The following GPR107 variants were observed in gnomAD, a reference collection of about 807,000 sequenced individuals.
GPR107 encodes G protein-coupled receptor 107.
A neutral mutation model predicts 75.5 loss-of-function variants in GPR107; 31 were observed. The observed-to-expected ratio is 0.41, with a 90% CI of 0.31 to 0.55. The LOEUF (loss-of-function observed/expected upper bound fraction) is 0.55, where lower values mean the gene tolerates loss of function less well. Among genes scored for constraint, GPR107 ranks in the 20% least tolerant of loss-of-function variants. The pLI is 0.26. For missense variants in GPR107, 572 were observed against 665.7 expected (o/e 0.86, Z 1.55); for synonymous variants, 267 against 251.3 (o/e 1.06, Z -0.59).
At chr9:130,092,511 A>G in intron 9 of GPR107, 130 bp downstream of exon 9, 1 of 755,432 alleles carries the variant, frequency 1.3e-6, no homozygotes, top group Non-Finnish European at 2.3e-6. Context: ...CTTCCCGGAA[A>G]CAGTATGAAG....
intron 10 of GPR107, 78 bp downstream of exon 10, chr9:130,099,610 AAG>A (rs980610933): frequency 7.5e-6 from 6 of 803,944 alleles, no homozygotes; most frequent in Middle Eastern, 2.3e-4. Context: ...AATTTGAAGA[AAG>A]GGGATAGATT....
chr9:130,125,715 T>G (rs1431485581), intron 15 of GPR107, among the ~76,000 whole-genome samples: 1 of 151,036 alleles, frequency 6.6e-6, no homozygotes. Flanking sequence ...CACACTGTCA[T>G]GTTCTTCTGC....
rs1441539231 is a variant in GPR107 at position 130,092,381 on chromosome 9, G to A, written c.863G>A (p.Arg288Gln). 11 of 1,610,722 alleles carry A rather than the reference G, an allele frequency of 6.8e-6. No individual in the cohort carries two copies. Among genetic ancestry groups the A allele is most frequent in the South Asian group, 1.1e-5 (1 of 91,006 alleles). Residue 288 changes from arginine to glutamine, a missense_variant and splice_region_variant, in exon 9 of 18, where the codon CGG becomes CAG. Arg to Gln is a conservative substitution (Grantham distance 43). Coordinates refer to ENST00000347136, the MANE Select transcript of GPR107 (RefSeq NM_020960.5). ...TGGATTCATATCCTTCGAAAACGACGGTAAACTATTTCTCCCTTCAACTTA... is the reference window on the plus strand; with the variant it reads ...TGGATTCATATCCTTCGAAAACGACAGTAAACTATTTCTCCCTTCAACTTA... ...TIWIHILRKR[R>Q]NDVFKIHWLM... is the part of the protein sequence containing the mutation.
intron 14 of GPR107, among the ~76,000 whole-genome samples, chr9:130,123,030 T>C (rs1473520378): frequency 6.6e-6 from 1 of 151,908 alleles, no homozygotes; most frequent in Non-Finnish European, 1.5e-5. Flanking sequence ...ACCAGAGAGA[T>C]TTAATTTTTA....
intron 1 of GPR107, among the ~76,000 whole-genome samples, chr9:130,057,257 T>C (rs1829815058): frequency 2.6e-5 from 4 of 151,930 alleles, no homozygotes; most frequent in African/African-American, 4.8e-5. Flanking sequence ...TTAGGGAAGC[T>C]CGTTTGAGGT....
intron 8 of GPR107, among the ~76,000 whole-genome samples, chr9:130,091,715 A>G (rs1457805373): frequency 2.8e-5 from 4 of 141,190 alleles, no homozygotes; most frequent in African/African-American, 8.0e-5. Context: ...TTTTTTTTCC[A>G]GACGGAGTCT....
At chr9:130,091,615 A>G (rs978715217) in intron 8 of GPR107, among the ~76,000 whole-genome samples, 4 of 143,496 alleles carry the variant, frequency 2.8e-5, no homozygotes, top group South Asian at 4.3e-4. Context: ...CGCAACCTCC[A>G]TCTCCTGGGT....
intron 1 of GPR107, among the ~76,000 whole-genome samples, chr9:130,064,602 A>G (rs1830025524): frequency 6.6e-6 from 1 of 152,220 alleles, no homozygotes; most frequent in Non-Finnish European, 1.5e-5. Context: ...TAAATGAGTA[A>G]GAGGATGGAT....
At chr9:130,130,731 G>A (rs1554898904) in intron 17 of GPR107, among the ~76,000 whole-genome samples, 1 of 152,040 alleles carries the variant, frequency 6.6e-6, no homozygotes, top group African/African-American at 2.4e-5. Context: ...TTAGCTGGGC[G>A]TGGTGGCAGG....
At chr9:130,090,852 A>T in intron 7 of GPR107, 24 bp from the exon 8 acceptor site, 1 of 862,454 alleles carries the variant, frequency 1.2e-6, no homozygotes, top group Non-Finnish European at 1.9e-6. Context: ...GGGTACCTTT[A>T]AATGTTTTCT....
At chr9:130,098,877 GCA>G (rs1045024567) in intron 9 of GPR107, among the ~76,000 whole-genome samples, 1 of 134,746 alleles carries the variant, frequency 7.4e-6, no homozygotes, top group African/African-American at 2.6e-5. Flanking sequence ...ACATCTTGGC[GCA>G]CGCCTGTAAT....
intron 14 of GPR107, among the ~76,000 whole-genome samples, chr9:130,107,952 A>G (rs1014660652): frequency 2.0e-5 from 3 of 152,202 alleles, no homozygotes; most frequent in Admixed American, 1.3e-4. Flanking sequence ...TTCAAAATAG[A>G]TGTGTCAGTA....
At chr9:130,126,779 TTTTC>T (rs1402492629) in intron 15 of GPR107, among the ~76,000 whole-genome samples, 2 of 152,300 alleles carry the variant, frequency 1.3e-5, no homozygotes, top group East Asian at 3.9e-4. Context: ...TTGATTTTTT[TTTTC>T]TTTCTTTGTT....
chr9:130,079,429 A>C (rs965840562), intron 4 of GPR107, among the ~76,000 whole-genome samples: 1 of 152,202 alleles, frequency 6.6e-6, no homozygotes, highest in South Asian at 2.1e-4. Context: ...TCGTCCAACT[A>C]CTTCCTAGCT....
intron 8 of GPR107, among the ~76,000 whole-genome samples, chr9:130,092,003 T>G (rs1257057314): frequency 6.6e-6 from 1 of 151,990 alleles, no homozygotes; most frequent in African/African-American, 2.4e-5. Context: ...CCTAATTTTT[T>G]TTGTGTTTTT....
At chr9:130,090,412 A>C (rs1400004854) in intron 7 of GPR107, among the ~76,000 whole-genome samples, 2 of 152,336 alleles carry the variant, frequency 1.3e-5, no homozygotes, top group African/African-American at 4.8e-5. Flanking sequence ...AGAGTATTTT[A>C]TACCTATAAA....
chr9:130,104,342 T>G lies in GPR107; in HGVS notation c.1132-78T>G, dbSNP rs1831107836. 44 of 1,364,628 alleles carry G rather than the reference T, an allele frequency of 3.2e-5. 1 individual carries two copies. In the South Asian group the frequency reaches 4.9e-4, roughly 15 times the overall value. The allele number at this position is 1,364,628 out of a possible 1,614,324, so 84.5% of individuals were successfully genotyped here. A position where few individuals can be genotyped will look rare whatever the true frequency, so the allele number is the denominator to read the frequency against. ...GATCGTGGGTCTGGAGGCCAAGGTG[T>G]ACACCCCACATTGGGGCTGCTAGCA... On this transcript the variant is annotated intron_variant, in intron 12 of 17. Transcript: ENST00000347136.
chr9:130,063,740 T>C (rs1275817197), intron 1 of GPR107, among the ~76,000 whole-genome samples: 2 of 152,000 alleles, frequency 1.3e-5, no homozygotes, highest in African/African-American at 4.8e-5. Flanking sequence ...TTTGTCTTTT[T>C]TTTTCTTTTT....
intron 5 of GPR107, 121 bp from the exon 6 acceptor site, chr9:130,083,444 T>A (rs7855078): frequency 0.46 from 238,343 of 513,716 alleles, 57,130 homozygotes; most frequent in East Asian, 0.74. Context: ...GTCCCCAAGA[T>A]TATTTTGTTT....
Sources: gnomAD v4.1 joint callset for allele counts (sites outside exome capture counted in the v4.1 genomes callset) on GRCh38, gnomAD v4.1.1 for gene constraint, MANE v1.5 for transcripts, NCBI Gene and HGNC (gene_info 2026-07-23, HGNC 2026-07-21) for gene names.